The following KCTD16 variants were observed in gnomAD, a reference collection of about 807,000 sequenced individuals.
KCTD16 encodes the protein potassium channel tetramerization domain containing 16, also known as BTB/POZ domain-containing protein KCTD16.
In KCTD16, 13 loss-of-function variants were observed where a neutral mutation model predicts 33.2. The observed-to-expected ratio is 0.39, with a 90% CI of 0.25 to 0.62. The LOEUF (loss-of-function observed/expected upper bound fraction) is 0.62. Ranked by LOEUF, KCTD16 falls within the 20% of genes least tolerant of loss-of-function variation. KCTD16 has a pLI of 0.50. For missense variants in KCTD16, 441 were observed against 525.1 expected, an observed-to-expected ratio of 0.84 and a Z score of 1.57; for synonymous variants, 197 against 195.3, an observed-to-expected ratio of 1.01 and a Z score of -0.07.
At chr5:144,249,250 A>G (rs1004378086) in intron 3 of KCTD16, among the ~76,000 whole-genome samples, 3 of 151,138 alleles carry the variant, frequency 2.0e-5, no homozygotes, top group Non-Finnish European at 4.4e-5. Context: ...ATATTCTTAT[A>G]CTCTTCCCAT....
intron 3 of KCTD16, among the ~76,000 whole-genome samples, chr5:144,444,933 T>C (rs1753788776): frequency 1.3e-5 from 2 of 149,518 alleles, no homozygotes; most frequent in Admixed American, 6.7e-5. Context: ...TAGTATATAT[T>C]ACATAATGCT....
chr5:144,294,633 A>C (rs1214582566), intron 3 of KCTD16, among the ~76,000 whole-genome samples: 1 of 152,162 alleles, frequency 6.6e-6, no homozygotes, highest in Non-Finnish European at 1.5e-5. Context: ...TAGTGTCTTC[A>C]TCACAATGTT....
At chr5:144,323,649 A>G (rs1031023381) in intron 3 of KCTD16, among the ~76,000 whole-genome samples, 1 of 152,190 alleles carries the variant, frequency 6.6e-6, no homozygotes, top group African/African-American at 2.4e-5. Flanking sequence ...CATTGCACAA[A>G]AAGAGTTGTA....
chr5:144,224,182 G>A (rs1273346445), intron 3 of KCTD16, among the ~76,000 whole-genome samples: 2 of 152,014 alleles, frequency 1.3e-5, no homozygotes, highest in Non-Finnish European at 2.9e-5. Context: ...ATCTTTTTGA[G>A]AATGTCACCT....
intron 3 of KCTD16, among the ~76,000 whole-genome samples, chr5:144,265,069 T>C (rs1755107411): frequency 6.6e-6 from 1 of 152,172 alleles, no homozygotes; most frequent in African/African-American, 2.4e-5. Context: ...AGAATAAAAC[T>C]ATAGCAAATT....
In KCTD16 at chr5:144,431,885, T is replaced by C. The variant is rs147110112; in HGVS notation, c.833-41775T>C. 4.5e-4 allele frequency among the ~76,000 whole-genome samples: 69 copies of C among 152,308 alleles called. 1 individual carries two copies. In the East Asian group the frequency reaches 0.012, roughly 27 times the overall value. ...TTTTGAAGAGTATTGCATACCATAA[T>C]ATAAAAAGTAATGGAAAATGTTAAC... On this transcript the variant is annotated intron_variant, in intron 3 of 3. Transcript: ENST00000512467.
At position 144,316,654 on chromosome 5, in the gene KCTD16, A is replaced by G. The variant is rs1751924705; in HGVS notation, c.832+109108A>G. On this transcript the variant is annotated intron_variant, in intron 3 of 3. Coordinates refer to ENST00000512467, the MANE Select transcript of KCTD16 (RefSeq NM_020768.4). ...CAGCCTCCTGAGTAGCTGGGATTAT[A>G]GGTGCCTGCCACCATGTCCACCTAA... Among the ~76,000 whole-genome samples, 5 of 151,498 alleles carry G rather than the reference A, an allele frequency of 3.3e-5. No homozygotes were observed. The South Asian group carries it at 1.0e-3, about 32-fold the overall frequency.
rs2127007911 is a variant in KCTD16, at chr5:144,481,771, A to T, written c.*7657A>T. On this transcript the variant is annotated 3_prime_UTR_variant, in exon 4 of 4. Transcript: ENST00000512467. ...TAAGCAATCAAATTTGGAGTAAAGA[A>T]CTTGAATTAAGTTCATTCAATTCCT... 6.6e-6 allele frequency: 1 copy of T among 151,976 alleles called. No homozygotes were observed. Among genetic ancestry groups the T allele is most frequent in the East Asian group, 1.9e-4 (1 of 5,164 alleles). 9.4% of individuals were successfully genotyped at this position (151,976 alleles called of 1,614,324 possible).
At chr5:144,425,505 A>ACT (rs1753306900) in intron 3 of KCTD16, among the ~76,000 whole-genome samples, 1 of 151,446 alleles carries the variant, frequency 6.6e-6, no homozygotes, top group Non-Finnish European at 1.5e-5. Context: ...CTCTATGCTG[A>ACT]CTCTACTCCC....
At chr5:144,416,256 A>G (rs187841168) in intron 3 of KCTD16, among the ~76,000 whole-genome samples, 4 of 152,306 alleles carry the variant, frequency 2.6e-5, no homozygotes, top group Admixed American at 1.3e-4. Context: ...TCTTAATTGA[A>G]ATGTTTACAA....
rs918015984 is a variant in KCTD16, at chr5:144,480,296, G to T, written c.*6182G>T. The T allele has an allele frequency of 4.0e-5, 6 of 151,212 alleles. No individual in the cohort carries two copies. The highest frequency in any genetic ancestry group is 8.8e-5 in the Non-Finnish European group (6 of 67,830). 9.4% of individuals were successfully genotyped at this position (151,212 alleles called of 1,614,324 possible). ...GCTTTTTAGTTCAGCACAATAGTTT[G>T]TCTCTACTGTGGATGTCAGTCCTTG... On this transcript the variant is annotated 3_prime_UTR_variant, in exon 4 of 4. Coordinates refer to ENST00000512467, the MANE Select transcript of KCTD16 (RefSeq NM_020768.4).
intron 3 of KCTD16, among the ~76,000 whole-genome samples, chr5:144,349,167 A>G (rs780694993): frequency 2.6e-5 from 4 of 152,178 alleles, no homozygotes; most frequent in Non-Finnish European, 5.9e-5. Flanking sequence ...TAATTCTTTC[A>G]TAAACATTGA....
At chr5:144,267,145 G>A (rs1427040594) in intron 3 of KCTD16, among the ~76,000 whole-genome samples, 1 of 152,172 alleles carries the variant, frequency 6.6e-6, no homozygotes. Context: ...CTAAGTATTT[G>A]CCAAAGATGA....
Position 144,177,628 on chromosome 5 carries a change from T to A in KCTD16, c.-327+3156T>A, listed in dbSNP as rs573384710. Among the ~76,000 whole-genome samples the A allele has an allele frequency of 2.0e-5, 3 of 152,320 alleles. No individual in the cohort carries two copies. In the South Asian group the frequency reaches 6.2e-4, roughly 32 times the overall value. On this transcript the variant is annotated intron_variant, in intron 2 of 3. Transcript: ENST00000512467. Reference sequence around the variant, plus strand: ...CCTTGACATGGTCTTCGCATAGTCTTCTCTCTGTGTATGCCTGTCTCTGTG... The same window carrying A: ...CCTTGACATGGTCTTCGCATAGTCTACTCTCTGTGTATGCCTGTCTCTGTG...
intron 3 of KCTD16, among the ~76,000 whole-genome samples, chr5:144,365,796 T>C (rs957050861): frequency 1.3e-5 from 2 of 152,310 alleles, no homozygotes; most frequent in Non-Finnish European, 2.9e-5. Flanking sequence ...TATTTATTTA[T>C]TATTTGTTAT....
intron 3 of KCTD16, among the ~76,000 whole-genome samples, chr5:144,254,626 C>A (rs1754796267): frequency 6.6e-6 from 1 of 152,090 alleles, no homozygotes; most frequent in Admixed American, 6.5e-5. Flanking sequence ...GCTTATTCAT[C>A]TTATTTGAGT....
At chr5:144,361,776 G>A (rs1751718426) in intron 3 of KCTD16, among the ~76,000 whole-genome samples, 1 of 152,030 alleles carries the variant, frequency 6.6e-6, no homozygotes, top group African/African-American at 2.4e-5. Flanking sequence ...ATTAGGGTGT[G>A]TTCTCATCAC....
At chr5:144,404,387 T>C (rs907689204) in intron 3 of KCTD16, among the ~76,000 whole-genome samples, 2 of 152,188 alleles carry the variant, frequency 1.3e-5, no homozygotes, top group East Asian at 3.9e-4. Context: ...TTTCCCTATA[T>C]ACTGAATGCT....
At chr5:144,423,840 C>T (rs1753264012) in intron 3 of KCTD16, among the ~76,000 whole-genome samples, 1 of 152,146 alleles carries the variant, frequency 6.6e-6, no homozygotes, top group South Asian at 2.1e-4. Context: ...TTATCCACCA[C>T]TGTCCAACCT....
Sources: gnomAD v4.1 joint callset for allele counts (sites outside exome capture counted in the v4.1 genomes callset) on GRCh38, gnomAD v4.1.1 for gene constraint, MANE v1.5 for transcripts, NCBI Gene and HGNC (gene_info 2026-07-23, HGNC 2026-07-21) for gene names.